The following VPS33B variants were observed in gnomAD, a reference collection of about 807,000 sequenced individuals.
The protein encoded by VPS33B is vacuolar protein sorting-associated protein 33B.
VPS33B carries 80 observed loss-of-function variants against 95.3 expected under a neutral mutation model. That is an observed-to-expected ratio of 0.84 (90% CI 0.70 to 1.01). VPS33B has a LOEUF of 1.01. Ranked by LOEUF, VPS33B falls within the 50% of genes least tolerant of loss-of-function variation. VPS33B has a pLI of 0.00. For missense variants in VPS33B, 715 were observed against 773.4 expected, an observed-to-expected ratio of 0.92 and a Z score of 0.90; for synonymous variants, 280 against 280.4, an observed-to-expected ratio of 1.00 and a Z score of 0.01.
In VPS33B at chr15:91,011,097, A is replaced by G. The variant is rs1253388453; in HGVS notation, c.358-1251T>C. Among the ~76,000 whole-genome samples the G allele has an allele frequency of 6.6e-6, 1 of 152,234 alleles. No homozygotes were observed. The highest frequency in any genetic ancestry group is 2.4e-5 in the African/African-American group (1 of 41,470). On this transcript the variant is annotated intron_variant, in intron 5 of 22. Coordinates refer to ENST00000333371, the MANE Select transcript of VPS33B (RefSeq NM_018668.5). This position sits in a 1 kb window ranked among gnomAD's most constrained non-coding sequence, Gnocchi z 5.5. ...GCAAGATAATGGAGAAGGAAAGCAG[A>G]AATGGGGCCAAGAACTGGCATGGAA...
intron 2 of VPS33B, among the ~76,000 whole-genome samples, chr15:91,017,365 T>TTAAAAAAAAAAAAAA (rs1555460460): frequency 2.9e-4 from 5 of 17,000 alleles, no homozygotes; most frequent in African/African-American, 4.3e-4. Flanking sequence ...TCTACAAAAT[T>TTAAAAAAAAAAAAAA]AAATATATAT....
At position 91,022,581 on chromosome 15, in the gene VPS33B, A is replaced by G; in HGVS notation, c.-332T>C. On this transcript the variant is annotated 5_prime_UTR_variant, in exon 1 of 23. Coordinates refer to ENST00000333371, the MANE Select transcript of VPS33B (RefSeq NM_018668.5). ...AGGAGAACCCCGCCTTCTACCAGAA[A>G]AAGAAGCGACTTCCTAGATCTCCCG... 1 of 209,304 alleles carries G rather than the reference A, an allele frequency of 4.8e-6. No homozygotes were observed. The highest frequency in any genetic ancestry group is 9.6e-5 in the East Asian group (1 of 10,416). 13.0% of individuals were successfully genotyped at this position (209,304 alleles called of 1,614,324 possible). A position where few individuals can be genotyped will look rare whatever the true frequency, so the allele number is the denominator to read the frequency against.
rs2040762924 is a variant in VPS33B, at chr15:91,010,971, A to T, written c.358-1125T>A. Among the ~76,000 whole-genome samples, 1 of 152,212 alleles carries T rather than the reference A, an allele frequency of 6.6e-6. No homozygotes were observed. Among genetic ancestry groups the T allele is most frequent in the Non-Finnish European group, 1.5e-5 (1 of 68,042 alleles). On this transcript the variant is annotated intron_variant, in intron 5 of 22. Transcript: ENST00000333371. This position sits in a 1 kb window ranked among gnomAD's most constrained non-coding sequence, Gnocchi z 5.7. Reference sequence around the variant, plus strand: ...CATTCTTCACAGAAGCCTGGCCCTGAAAGAAGGGGGAGCTCTGAAAGGGAA... The same window carrying T: ...CATTCTTCACAGAAGCCTGGCCCTGTAAGAAGGGGGAGCTCTGAAAGGGAA...
At chr15:91,004,060 T>C (rs111293958) in intron 16 of VPS33B, among the ~76,000 whole-genome samples, 2,126 of 151,814 alleles carry the variant, frequency 0.014, 53 homozygotes, top group African/African-American at 0.047. Flanking sequence ...CCTGTCTCTA[T>C]TAAAAATACA....
rs886051554 is a variant in VPS33B, at chr15:90,998,713, A to C, written c.*262T>G. ...GAGGCTTTATTTACAATGACATTCA[A>C]ACAGGATTTAGCAAAGGATGCCTCT... On this transcript the variant is annotated 3_prime_UTR_variant, in exon 23 of 23. Coordinates refer to ENST00000333371, the MANE Select transcript of VPS33B (RefSeq NM_018668.5). This position sits in a 1 kb window ranked among gnomAD's most constrained non-coding sequence, Gnocchi z 4.8. 1.3e-5 allele frequency: 7 copies of C among 549,198 alleles called. No homozygotes were observed. The highest frequency in any genetic ancestry group is 2.0e-5 in the Non-Finnish European group (6 of 304,110). The allele number at this position is 549,198 out of a possible 1,614,324, so 34.0% of individuals were successfully genotyped here. A position where few individuals can be genotyped will look rare whatever the true frequency, so the allele number is the denominator to read the frequency against.
At position 91,022,244 on chromosome 15, in the gene VPS33B, AGCCATGGCAGCGGTCACCTGC is replaced by A; in HGVS notation, c.-16_5del. The A allele has an allele frequency of 6.4e-7, 1 of 1,567,528 alleles. No individual in the cohort carries two copies. The highest frequency in any genetic ancestry group is 1.2e-5 in the South Asian group (1 of 86,566). On this transcript the variant is annotated start_lost and 5_prime_UTR_variant, in exon 1 of 23. Transcript: ENST00000333371. ...CAGGGGCGTCCGGCCGATGGGGAAA[AGCCATGGCAGCGGTCACCTGC>A]GCCGCGGGGTGGAAGGACGCCCTTC...
chr15:91,017,405 T>A (rs189562581), intron 2 of VPS33B, among the ~76,000 whole-genome samples: 3,001 of 84,426 alleles, frequency 0.036, 608 homozygotes, highest in East Asian at 0.26. Flanking sequence ...TATATATATA[T>A]ATATATATAT....
In VPS33B at chr15:91,006,881, C is replaced by G; in HGVS notation, c.700+69G>C. On this transcript the variant is annotated intron_variant, in intron 9 of 22. Transcript: ENST00000333371. This position sits in a 1 kb window ranked among gnomAD's most constrained non-coding sequence, Gnocchi z 5.4. ...CCCTAACTTTAGGATTTTAACTTTG[C>G]CACCACGCCTTCCATATTCCCGTGT... is the stretch of plus-strand genomic sequence containing the variant. 1 of 1,605,532 alleles carries G rather than the reference C, an allele frequency of 6.2e-7. No individual in the cohort carries two copies. The highest frequency in any genetic ancestry group is 2.2e-5 in the East Asian group (1 of 44,832).
rs67954926 is a variant in VPS33B, at chr15:91,016,903, G to A, written c.239+60C>T. ...CTCAGCCAAGGACAGATGAAAGGCA[G>A]ACGTGCCCCTAGGGACCTCTTCCAG... is the stretch of plus-strand genomic sequence containing the variant. On this transcript the variant is annotated intron_variant, in intron 3 of 22. Transcript: ENST00000333371. 0.11 allele frequency: 167,503 copies of A among 1,533,104 alleles called. 10,584 individuals are homozygous for A. Among genetic ancestry groups the A allele is most frequent in the African/African-American group, 0.25 (18,493 of 73,182 alleles). The allele number at this position is 1,533,104 out of a possible 1,614,324, so 95.0% of individuals were successfully genotyped here. A position where few individuals can be genotyped will look rare whatever the true frequency, so the allele number is the denominator to read the frequency against.
Position 91,007,215 on chromosome 15 carries a change from A to G in VPS33B, c.604-169T>C, listed in dbSNP as rs140698806. 1.8e-3 allele frequency among the ~76,000 whole-genome samples: 279 copies of G among 151,732 alleles called. 1 individual carries two copies. Among genetic ancestry groups the G allele is most frequent in the Non-Finnish European group, 3.5e-3 (236 of 67,906 alleles). On this transcript the variant is annotated intron_variant, in intron 8 of 22. Transcript: ENST00000333371. The surrounding 1 kb of genome is among the most constrained non-coding windows in gnomAD (Gnocchi z 5.3). ...CCGTCTGTGTCTATCTTTCCCCAAC[A>G]CTCTTCCTACTGATGAGAAGATGTG...
In VPS33B at chr15:90,998,995, T is replaced by C. The variant is rs2040351745; in HGVS notation, c.1834A>G (p.Met612Val). 2 of 1,614,162 alleles carry C rather than the reference T, an allele frequency of 1.2e-6. No homozygotes were observed. The highest frequency in any genetic ancestry group is 1.7e-5 in the Admixed American group (1 of 60,012). The change falls in exon 23 of 23, where the codon ATG becomes GTG. Residue 612 changes from methionine to valine, a missense_variant. Transcript: ENST00000333371. This position sits in a 1 kb window ranked among gnomAD's most constrained non-coding sequence, Gnocchi z 4.8. Reference sequence around the variant, plus strand: ...AAACATCAGGCTTTCACCTCACTCATGGCCTCCATAAGGCGAGCGCTGTTT... The same window carrying C: ...AAACATCAGGCTTTCACCTCACTCACGGCCTCCATAAGGCGAGCGCTGTTT... ...VTNSARLMEAMSEVKA is the reference protein window; with the variant it reads ...VTNSARLMEAVSEVKA
At position 91,013,312 on chromosome 15, in the gene VPS33B, G is replaced by A. The variant is rs752746162; in HGVS notation, c.357+492C>T. 3.4e-4 allele frequency among the ~76,000 whole-genome samples: 52 copies of A among 152,196 alleles called. No individual in the cohort carries two copies. The highest frequency in any genetic ancestry group is 5.6e-4 in the Non-Finnish European group (38 of 68,046). On this transcript the variant is annotated intron_variant, in intron 5 of 22. Coordinates refer to ENST00000333371, the MANE Select transcript of VPS33B (RefSeq NM_018668.5). This position sits in a 1 kb window ranked among gnomAD's most constrained non-coding sequence, Gnocchi z 4.5. ...TGAATTGAGGATGCGTTAGTGACAG[G>A]TATTAGGTTCAATCACACATAATTT... is the stretch of plus-strand genomic sequence containing the variant.
rs1444296329 is a variant in VPS33B at position 91,007,634 on chromosome 15, G to T, written c.499-61C>A. 5 of 1,572,106 alleles carry T rather than the reference G, an allele frequency of 3.2e-6. No individual in the cohort carries two copies. Among genetic ancestry groups the T allele is most frequent in the Non-Finnish European group, 3.5e-6 (4 of 1,142,432 alleles). On this transcript the variant is annotated intron_variant, in intron 7 of 22. Coordinates refer to ENST00000333371, the MANE Select transcript of VPS33B (RefSeq NM_018668.5). This position sits in a 1 kb window ranked among gnomAD's most constrained non-coding sequence, Gnocchi z 5.3. ...AACCCAGTAGGACCACCTGGAAAGT[G>T]GCTAGCCCTAGAAGCCCTGGAGCAG...
rs199874738 is a variant in VPS33B at position 91,017,849 on chromosome 15, G to T, written c.133C>A (p.Leu45Ile). ...GCAATTCGATCCAAAGGGCTCATGA[G>T]ATCTGCCTCAATGAATAAATCCTTT... ...GKKDLFIEAD[L>I]MSPLDRIANV... The change falls in exon 2 of 23, where the codon CTC (leucine) becomes ATC (isoleucine). Residue 45 changes from leucine (L) to isoleucine (I), a missense_variant. Coordinates refer to ENST00000333371, the MANE Select transcript of VPS33B (RefSeq NM_018668.5). 1.9e-4 allele frequency: 309 copies of T among 1,613,986 alleles called. No individual in the cohort carries two copies. Among genetic ancestry groups the T allele is most frequent in the Non-Finnish European group, 2.5e-4 (290 of 1,180,004 alleles).
At position 91,007,882 on chromosome 15, in the gene VPS33B, C is replaced by T; in HGVS notation, c.486G>A (p.Arg162=). Residue 162 remains arginine (R), a synonymous_variant, in exon 7 of 23, where the codon AGG becomes AGA. Coordinates refer to ENST00000333371, the MANE Select transcript of VPS33B (RefSeq NM_018668.5). This position sits in a 1 kb window ranked among gnomAD's most constrained non-coding sequence, Gnocchi z 5.3. ...CCTCTGCATTTACCAGAAAGTAATC[C>T]CTGAAAAATTCTGGTAGTTCCATGC... is the stretch of plus-strand genomic sequence containing the variant. ...LLSMELPEFF[R]DYFLEGDQRW... is the part of the protein sequence containing the mutation. 1 of 1,614,130 alleles carries T rather than the reference C, an allele frequency of 6.2e-7. No individual in the cohort carries two copies. Among genetic ancestry groups the T allele is most frequent in the South Asian group, 1.1e-5 (1 of 91,080 alleles).
At chr15:91,004,751 C>T (rs2040549411) in intron 16 of VPS33B, 126 bp downstream of exon 16, 1 of 1,163,734 alleles carries the variant, frequency 8.6e-7, no homozygotes, top group Non-Finnish European at 1.3e-6. Flanking sequence ...AAAAAAGAAT[C>T]CATTAAATTA....
In VPS33B at chr15:91,002,565, G is replaced by C. The variant is rs1231180906; in HGVS notation, c.1273-383C>G. Among the ~76,000 whole-genome samples the C allele has an allele frequency of 6.6e-6, 1 of 151,646 alleles. No homozygotes were observed. Among genetic ancestry groups the C allele is most frequent in the African/African-American group, 2.4e-5 (1 of 41,202 alleles). On this transcript the variant is annotated intron_variant, in intron 17 of 22. Coordinates refer to ENST00000333371, the MANE Select transcript of VPS33B (RefSeq NM_018668.5). The surrounding 1 kb of genome is among the most constrained non-coding windows in gnomAD (Gnocchi z 4.7). ...GAAATGCTTGAACCTAGGAGGCAGA[G>C]GCTGCAGTGAGTGGAGATCGCGCCA... is the stretch of plus-strand genomic sequence containing the variant.
intron 1 of VPS33B, among the ~76,000 whole-genome samples, chr15:91,021,031 A>G (rs1208992005): frequency 1.3e-5 from 2 of 152,134 alleles, no homozygotes; most frequent in Non-Finnish European, 2.9e-5. Context: ...TCTTACGGGC[A>G]TCTTAACTTC....
chr15:91,004,660 C>A (rs2040545995), intron 16 of VPS33B, among the ~76,000 whole-genome samples: 1 of 152,162 alleles, frequency 6.6e-6, no homozygotes, highest in African/African-American at 2.4e-5. Context: ...TATGACAAGG[C>A]TCTAGGGTGG....
Sources: gnomAD v4.1 joint callset for allele counts (sites outside exome capture counted in the v4.1 genomes callset) on GRCh38, gnomAD v4.1.1 for gene constraint, Gnocchi (gnomAD v3.1) non-coding constraint, MANE v1.5 for transcripts, NCBI Gene and HGNC (gene_info 2026-07-23, HGNC 2026-07-21) for gene names.